The following DAB1 variants were observed in gnomAD, a reference collection of about 807,000 sequenced individuals.
The protein encoded by DAB1 is disabled homolog 1.
A neutral mutation model predicts 64.6 loss-of-function variants in DAB1; 15 were observed. The ratio of observed to expected loss-of-function variants is 0.23; its 90% CI spans 0.16 to 0.36. The LOEUF (loss-of-function observed/expected upper bound fraction) is 0.36. DAB1 is among the 10% of genes least tolerant of loss of function. DAB1 has a pLI of 1.00. For missense variants in DAB1, 596 were observed against 706.7 expected, an observed-to-expected ratio of 0.84 and a Z score of 1.78; for synonymous variants, 235 against 251.9, an observed-to-expected ratio of 0.93 and a Z score of 0.64.
chr1:57,261,498 G>A (rs1024581421), intron 2 of DAB1, among the ~76,000 whole-genome samples: 9 of 152,154 alleles, frequency 5.9e-5, no homozygotes, highest in African/African-American at 2.2e-4. Flanking sequence ...CTGAATGTAA[G>A]CTCCATGAAG....
At chr1:57,888,870 TAGTGTGGGC>T (rs1286175448), upstream of DAB1, among the ~76,000 whole-genome samples, 1 of 152,232 alleles carries the variant, frequency 6.6e-6, no homozygotes, top group Admixed American at 6.5e-5. Context: ...AAATAATATT[TAGTGTGGGC>T]AGTGGTTCTG....
At chr1:58,083,170 C>T (rs1388842590) in intron 5 of DAB1, among the ~76,000 whole-genome samples, 3 of 152,138 alleles carry the variant, frequency 2.0e-5, no homozygotes, top group Non-Finnish European at 4.4e-5. Flanking sequence ...GGCACGTCAG[C>T]TGATCCTTTC....
intron 7 of DAB1, among the ~76,000 whole-genome samples, chr1:57,488,334 G>A (rs1477700635): frequency 3.3e-5 from 5 of 151,542 alleles, no homozygotes; most frequent in African/African-American, 1.2e-4. Flanking sequence ...CCCGGGCGGG[G>A]GAGCTTGCAG....
intron 1 of DAB1, among the ~76,000 whole-genome samples, chr1:57,391,148 C>T (rs1682319060): frequency 6.6e-6 from 1 of 152,176 alleles, no homozygotes; most frequent in South Asian, 2.1e-4. Context: ...CGCCCTAACT[C>T]CATGTTTTTG....
chr1:57,375,684 C>T (rs935423348), intron 1 of DAB1, among the ~76,000 whole-genome samples: 16 of 152,146 alleles, frequency 1.1e-4, no homozygotes, highest in South Asian at 2.1e-4. Context: ...GCCTAGGTAA[C>T]GCTGACTGCC....
intron 3 of DAB1, among the ~76,000 whole-genome samples, chr1:58,504,290 G>A (rs994142022): frequency 1.2e-4 from 18 of 152,248 alleles, no homozygotes; most frequent in African/African-American, 4.3e-4. Flanking sequence ...CAGCCCCAAT[G>A]TCTTCCTTGC....
At chr1:58,211,181 G>A (rs1658533025) in intron 4 of DAB1, among the ~76,000 whole-genome samples, 1 of 152,078 alleles carries the variant, frequency 6.6e-6, no homozygotes, top group Non-Finnish European at 1.5e-5. Flanking sequence ...TGTCTTAAGA[G>A]CCATCTCTAC....
chr1:57,842,611 G>A (rs1653105443), intron 1 of DAB1, among the ~76,000 whole-genome samples: 1 of 152,176 alleles, frequency 6.6e-6, no homozygotes, highest in African/African-American at 2.4e-5. Context: ...GAAGGCAAAG[G>A]TAAGGCAAGA....
chr1:58,008,672 C>T (rs971592473), intron 5 of DAB1, among the ~76,000 whole-genome samples: 1 of 152,106 alleles, frequency 6.6e-6, no homozygotes, highest in Non-Finnish European at 1.5e-5. Flanking sequence ...CATAAAGCAT[C>T]TTTCATGAAA....
chr1:57,265,178 A>T (rs1670494654), intron 2 of DAB1, among the ~76,000 whole-genome samples: 1 of 152,164 alleles, frequency 6.6e-6, no homozygotes, highest in Admixed American at 6.5e-5. Context: ...GCCTCCAGAC[A>T]CGGTGAATTT....
chr1:57,193,381 GT>G lies in DAB1; in HGVS notation c.68-47953del, dbSNP rs999329119. Among the ~76,000 whole-genome samples the G allele has an allele frequency of 8.3e-3, 688 of 83,004 alleles. 1 individual carries two copies. Among genetic ancestry groups the G allele is most frequent in the African/African-American group, 0.017 (331 of 19,824 alleles). 54.5% of individuals were successfully genotyped at this position (83,004 alleles called of 152,430 possible). The stretch of plus-strand genomic sequence containing the variant: ...CCTTCCAGATTCATCCGTAGCATAT[GT>G]TTTTTTTTTTTTTTTTTTTTTTGAG... On this transcript the variant is annotated intron_variant, in intron 2 of 14. Transcript: ENST00000371236.
At position 58,208,279 on chromosome 1, in the gene DAB1, C is replaced by CT. The variant is rs546695790; in HGVS notation, n.310-57692dup. ...ACATTTTAGAGTTAAAACTTCTTTT[C>CT]TTTTTTTTAGCATTTTAAAAAATTA... On this transcript the variant is annotated intron_variant and non_coding_transcript_variant, in intron 4 of 20. Transcript: ENST00000485760. 7.2e-5 allele frequency among the ~76,000 whole-genome samples: 11 copies of CT among 152,000 alleles called. No homozygotes were observed. In the South Asian group the frequency reaches 8.3e-4, roughly 12 times the overall value.
chr1:57,077,287 G>C (rs1355855565), intron 4 of DAB1, among the ~76,000 whole-genome samples: 1 of 152,156 alleles, frequency 6.6e-6, no homozygotes. Flanking sequence ...AGGAATGTTA[G>C]GCCCTTCAGA....
At chr1:58,441,174 A>G (rs143631238) in intron 3 of DAB1, among the ~76,000 whole-genome samples, 81 of 152,338 alleles carry the variant, frequency 5.3e-4, no homozygotes, top group African/African-American at 1.9e-3. Context: ...GGTGCTGGCC[A>G]TAGAAAGTGG....
chr1:57,302,841 G>A (rs1168638004), intron 1 of DAB1, among the ~76,000 whole-genome samples: 1 of 152,142 alleles, frequency 6.6e-6, no homozygotes, highest in Non-Finnish European at 1.5e-5. Flanking sequence ...CAGGAATAAA[G>A]GTTAAGAGAA....
intron 4 of DAB1, among the ~76,000 whole-genome samples, chr1:58,213,708 T>C (rs1448715605): frequency 6.6e-6 from 1 of 152,146 alleles, no homozygotes; most frequent in Non-Finnish European, 1.5e-5. Flanking sequence ...TTATATAAGT[T>C]TGGACAAAGC....
At chr1:57,779,826 GT>G (rs1649981260) in intron 6 of DAB1, among the ~76,000 whole-genome samples, 1 of 152,152 alleles carries the variant, frequency 6.6e-6, no homozygotes, top group Admixed American at 6.5e-5. Context: ...CCCACAGACA[GT>G]TCCCCCATCA....
chr1:57,485,563 A>G (rs541747759), intron 7 of DAB1, among the ~76,000 whole-genome samples: 1 of 152,330 alleles, frequency 6.6e-6, no homozygotes, highest in African/African-American at 2.4e-5. Flanking sequence ...GCTCCAGCAC[A>G]TGATATGATT....
At chr1:57,082,031 C>A (rs1249013066) in intron 4 of DAB1, among the ~76,000 whole-genome samples, 1 of 152,104 alleles carries the variant, frequency 6.6e-6, no homozygotes, top group East Asian at 1.9e-4. Flanking sequence ...GACATAGAAG[C>A]AATGAAACCC....
Sources: gnomAD v4.1 joint callset for allele counts (sites outside exome capture counted in the v4.1 genomes callset) on GRCh38, gnomAD v4.1.1 for gene constraint, MANE v1.5 for transcripts, NCBI Gene and HGNC (gene_info 2026-07-23, HGNC 2026-07-21) for gene names.